NAALADL2: variants seen among roughly 807,000 people sequenced by gnomAD.
NAALADL2 encodes N-acetylated alpha-linked acidic dipeptidase like 2.
Under a neutral mutation model 87.2 loss-of-function variants are expected in NAALADL2, and 76 were observed. The ratio of observed to expected loss-of-function variants is 0.87; its 90% confidence interval spans 0.72 to 1.05. NAALADL2 has a LOEUF of 1.05. Ranked by LOEUF, NAALADL2 falls within the 50% of genes least tolerant of loss-of-function variation. The pLI is 0.00. For synonymous variants in NAALADL2, 354 were observed against 331.0 expected, an observed-to-expected ratio of 1.07 and a Z score of -0.75; for missense variants, 1,089 against 945.8, an observed-to-expected ratio of 1.15 and a Z score of -1.99.
At position 175,475,024 on chromosome 3, in the gene NAALADL2, T is replaced by TACACACACACACACACACACACAC. The variant is rs3040495; in HGVS notation, c.1653+3267_1653+3290dup. Among the ~76,000 whole-genome samples, 23 of 149,718 alleles carry TACACACACACACACACACACACAC rather than the reference T, an allele frequency of 1.5e-4. No homozygotes were observed. The East Asian group carries it at 3.8e-3, about 24-fold the overall frequency. ...ATTCTTTCATGCACAAACATTTAAG[T>TACACACACACACACACACACACAC]ACACACACACACACACACACACACT... On this transcript the variant is annotated intron_variant, in intron 9 of 13. Coordinates refer to ENST00000454872, the MANE Select transcript of NAALADL2 (RefSeq NM_207015.3).
At chr3:174,959,520 C>T (rs185619272) in intron 1 of NAALADL2, among the ~76,000 whole-genome samples, 2 of 152,050 alleles carry the variant, frequency 1.3e-5, no homozygotes, top group East Asian at 3.9e-4. Context: ...GAGCACAATA[C>T]ATAGGGGAAT....
intron 1 of NAALADL2, among the ~76,000 whole-genome samples, chr3:174,971,516 G>A (rs148516678): frequency 6.6e-6 from 1 of 152,076 alleles, no homozygotes; most frequent in Non-Finnish European, 1.5e-5. Context: ...ATTTCCTTCA[G>A]TCTCAACTTC....
chr3:175,729,549 CTGTGTTCAAAT>C (rs1233689398), intron 11 of NAALADL2, among the ~76,000 whole-genome samples: 1 of 152,184 alleles, frequency 6.6e-6, no homozygotes, highest in Non-Finnish European at 1.5e-5. Context: ...AGTGTTCAAA[CTGTGTTCAAAT>C]AAAGCAAACA....
At chr3:175,753,773 T>C (rs1559974636) in intron 12 of NAALADL2, among the ~76,000 whole-genome samples, 1 of 152,166 alleles carries the variant, frequency 6.6e-6, no homozygotes, top group Admixed American at 6.5e-5. Flanking sequence ...GGACTTTACT[T>C]AGACAGAGTC....
At chr3:175,126,316 A>T (rs1257682119) in intron 2 of NAALADL2, among the ~76,000 whole-genome samples, 1 of 152,102 alleles carries the variant, frequency 6.6e-6, no homozygotes, top group Non-Finnish European at 1.5e-5. Context: ...CTTTAATTTG[A>T]TAGAGGTATA....
At chr3:175,450,349 C>A (rs1270716196) in intron 6 of NAALADL2, among the ~76,000 whole-genome samples, 1 of 151,952 alleles carries the variant, frequency 6.6e-6, no homozygotes, top group Non-Finnish European at 1.5e-5. Flanking sequence ...ATAATTATAA[C>A]ATATTGTTAA....
intron 5 of NAALADL2, among the ~76,000 whole-genome samples, chr3:175,425,905 TA>T (rs1273346760): frequency 6.6e-6 from 1 of 152,162 alleles, no homozygotes; most frequent in Non-Finnish European, 1.5e-5. Flanking sequence ...ATAAGAGTTC[TA>T]GGTGGTGATA....
intron 1 of NAALADL2, among the ~76,000 whole-genome samples, chr3:174,978,085 C>T (rs1057436541): frequency 5.9e-5 from 9 of 152,144 alleles, no homozygotes; most frequent in African/African-American, 2.2e-4. Context: ...AAATCTGAAG[C>T]ACAGAGAGGT....
chr3:175,087,454 T>C, intron 1 of NAALADL2, among the ~76,000 whole-genome samples: 1 of 152,230 alleles, frequency 6.6e-6, no homozygotes, highest in East Asian at 1.9e-4. Flanking sequence ...ATGGCGGTTT[T>C]GTCGAATAGA....
rs190157185 is a variant in NAALADL2 at position 175,059,095 on chromosome 3, A to T, written c.44-37695A>T. On this transcript the variant is annotated intron_variant, in intron 1 of 13. Transcript: ENST00000454872. Reference sequence around the variant, plus strand: ...TGTTATTAACCTTTTTAAGTAAAATAATGACACTTCGTGTGAAGTCATTGC... The same window carrying T: ...TGTTATTAACCTTTTTAAGTAAAATTATGACACTTCGTGTGAAGTCATTGC... Among the ~76,000 whole-genome samples the T allele has an allele frequency of 1.7e-4, 26 of 152,356 alleles. 1 individual carries two copies. In the East Asian group the frequency reaches 3.1e-3, roughly 18 times the overall value.
At chr3:174,851,978 A>G (rs1452468287) in intron 3 of NAALADL2, among the ~76,000 whole-genome samples, 5 of 152,156 alleles carry the variant, frequency 3.3e-5, no homozygotes, top group Non-Finnish European at 7.4e-5. Context: ...GAGAAAATCT[A>G]TATGATCCTT....
intron 1 of NAALADL2, among the ~76,000 whole-genome samples, chr3:174,928,098 A>G (rs1233944414): frequency 2.6e-5 from 4 of 152,204 alleles, no homozygotes; most frequent in Admixed American, 1.3e-4. Context: ...AGGAAATACA[A>G]ATTTAAAAAC....
At chr3:174,854,927 TC>T (rs1725691544), upstream of NAALADL2, among the ~76,000 whole-genome samples, 1 of 144,074 alleles carries the variant, frequency 6.9e-6, no homozygotes, top group Non-Finnish European at 1.5e-5. Flanking sequence ...AACCTCTGCC[TC>T]CCAGGTTCAA....
At chr3:175,256,761 A>C (rs1276173639) in intron 4 of NAALADL2, 1 of 291,354 alleles carries the variant, frequency 3.4e-6, no homozygotes, top group African/African-American at 2.2e-5. Context: ...ATTTCTTTAG[A>C]GAGAAAATAC....
At chr3:174,548,723 C>G (rs1459267955) in intron 1 of NAALADL2, among the ~76,000 whole-genome samples, 2 of 152,216 alleles carry the variant, frequency 1.3e-5, no homozygotes, top group Non-Finnish European at 2.9e-5. Flanking sequence ...GGAAAAGGCA[C>G]TGACTCCTAT....
intron 4 of NAALADL2, among the ~76,000 whole-genome samples, chr3:175,288,120 C>T (rs1229348299): frequency 6.6e-6 from 1 of 152,096 alleles, no homozygotes; most frequent in African/African-American, 2.4e-5. Context: ...CTCACTCCGT[C>T]TCCCAGGCTG....
chr3:174,863,352 G>C (rs944737029), intron 1 of NAALADL2, among the ~76,000 whole-genome samples: 1 of 152,042 alleles, frequency 6.6e-6, no homozygotes, highest in Non-Finnish European at 1.5e-5. Context: ...TTATGGTCTT[G>C]AAAGCATTGT....
At chr3:175,240,847 G>T (rs1453527973) in intron 3 of NAALADL2, among the ~76,000 whole-genome samples, 3 of 152,028 alleles carry the variant, frequency 2.0e-5, no homozygotes, top group African/African-American at 7.2e-5. Context: ...TGGAGACGGG[G>T]TTTCTCCATG....
intron 13 of NAALADL2, among the ~76,000 whole-genome samples, chr3:175,788,088 G>GTTTTTTTT (rs1004422588): frequency 9.6e-6 from 1 of 104,258 alleles, no homozygotes; most frequent in Non-Finnish European, 1.9e-5. Flanking sequence ...TTTTTTACCT[G>GTTTTTTTT]TTTTTTTTTT....
Sources: allele counts gnomAD v4.1 joint callset (sites outside exome capture counted in the v4.1 genomes callset), GRCh38; gene constraint gnomAD v4.1.1; transcripts MANE v1.5; gene names NCBI Gene and HGNC (gene_info 2026-07-23, HGNC 2026-07-21).